Variants in MKI67 observed in about 807,000 individuals in gnomAD.
MKI67 encodes marker of proliferation Ki-67.
A neutral mutation model predicts 233.5 loss-of-function variants in MKI67; 152 were observed. The observed-to-expected ratio is 0.65, with a 90% CI of 0.57 to 0.74. The LOEUF (loss-of-function observed/expected upper bound fraction) is 0.74, where lower values mean the gene tolerates loss of function less well. Among genes scored for constraint, MKI67 ranks in the 30% least tolerant of loss-of-function variants. The probability of loss-of-function intolerance (pLI) is 0.00; values close to 1 mark genes in which losing one functional copy is unlikely to be tolerated. For missense variants in MKI67, 3,940 were observed against 3,885.2 expected (o/e 1.01, Z -0.37); for synonymous variants, 1,465 against 1,418.5 (o/e 1.03, Z -0.74).
Position 128,125,892 on chromosome 10 carries a change from C to T in MKI67, c.-89-136G>A. 1 of 553,724 alleles carries T rather than the reference C, an allele frequency of 1.8e-6. No homozygotes were observed. Among genetic ancestry groups the T allele is most frequent in the Admixed American group, 3.2e-5 (1 of 31,132 alleles). The allele number at this position is 553,724 out of a possible 1,614,324, so 34.3% of individuals were successfully genotyped here. A position where few individuals can be genotyped will look rare whatever the true frequency, so the allele number is the denominator to read the frequency against. On this transcript the variant is annotated intron_variant, in intron 1 of 14. Coordinates refer to ENST00000368654, the MANE Select transcript of MKI67 (RefSeq NM_002417.5). The surrounding 1 kb of genome is among the most constrained non-coding windows in gnomAD (Gnocchi z 5.3). ...CCCCAGGACGATCCGACCGCAGCCC[C>T]CGGCGCCCCAAAGTCCGGCAGCTGG...
Position 128,106,981 on chromosome 10 carries a change from G to C in MKI67, c.4859C>G (p.Pro1620Arg), listed in dbSNP as rs750327979. 1.2e-6 allele frequency: 2 copies of C among 1,614,074 alleles called. No individual in the cohort carries two copies. The highest frequency in any genetic ancestry group is 3.3e-5 in the Admixed American group (2 of 60,016). ...TAKVACKSSQ[P>R]DPDKNPASSK... The stretch of plus-strand genomic sequence containing the variant: ...GCTTGCTGGGTTTTTGTCTGGGTCT[G>C]GTTGTGAAGATTTGCAGGCTACTTT... The change falls in exon 13 of 15, where the codon CCA (proline) becomes CGA (arginine). Residue 1620 changes from proline (P) to arginine (R), a missense_variant. Coordinates refer to ENST00000368654, the MANE Select transcript of MKI67 (RefSeq NM_002417.5).
At chr10:128,123,361 CTA>C (rs1258306110) in intron 2 of MKI67, among the ~76,000 whole-genome samples, 192 bp from the exon 3 acceptor site, 1 of 152,126 alleles carries the variant, frequency 6.6e-6, no homozygotes, top group African/African-American at 2.4e-5. Context: ...AAACATGTAA[CTA>C]TTAGATCTTT....
chr10:128,103,945 G>T lies in MKI67; in HGVS notation c.7895C>A (p.Thr2632Lys). The T allele has an allele frequency of 6.2e-7, 1 of 1,614,100 alleles. No homozygotes were observed. Among genetic ancestry groups the T allele is most frequent in the Non-Finnish European group, 8.5e-7 (1 of 1,180,022 alleles). Residue 2632 changes from threonine to lysine, a missense_variant, in exon 13 of 15, where the codon ACA becomes AAA. Thr to Lys is a moderately conservative substitution (Grantham distance 78). Transcript: ENST00000368654. ...ATCACCGCTTGCTGGTTCTTTGTGT[G>T]TGTGTGTGCTTTGCCCTGATGTTTG... Reference protein sequence around the residue: ...LTQTSGQSTHTHKEPASGDEG... With the variant: ...LTQTSGQSTHKHKEPASGDEG...
Position 128,115,066 on chromosome 10 carries a change from A to C in MKI67, c.1342T>G (p.Trp448Gly). The C allele has an allele frequency of 6.2e-7, 1 of 1,613,642 alleles. No homozygotes were observed. ...ATCTTCCTCTCAACTTGAGTGAGCC[A>C]CAGAGTTAAAAATGGCTCATTGTGA... ...EIHNEPFLTLWLTQVERKIQK... is the reference protein window; with the variant it reads ...EIHNEPFLTLGLTQVERKIQK... The change falls in exon 7 of 15, where the codon TGG (tryptophan) becomes GGG (glycine). Residue 448 changes from tryptophan to glycine, a missense_variant. Transcript: ENST00000368654.
At chr10:128,123,471 T>TA (rs1256528449) in intron 2 of MKI67, among the ~76,000 whole-genome samples, 2 of 152,238 alleles carry the variant, frequency 1.3e-5, no homozygotes, top group African/African-American at 4.8e-5. Flanking sequence ...AAGGAATACT[T>TA]ACATCAATTT....
In MKI67 at chr10:128,104,164, A is replaced by G; in HGVS notation, c.7676T>C (p.Leu2559Pro). 6.2e-7 allele frequency: 1 copy of G among 1,614,130 alleles called. No individual in the cohort carries two copies. Among genetic ancestry groups the G allele is most frequent in the Non-Finnish European group, 8.5e-7 (1 of 1,180,018 alleles). The change falls in exon 13 of 15, where the codon CTG becomes CCG. Residue 2559 changes from leucine (L) to proline (P), a missense_variant. Physicochemically the swap from Leu to Pro is moderately conservative, Grantham distance 98. Transcript: ENST00000368654. ...TGAGAAGAGCTCTTTGAAGTCAACC[A>G]GGTCTTCTAGAGCACGGGCCTTTTC... ...RKEKARALED[L>P]VDFKELFSAP...
At chr10:128,100,530 T>C (rs1852315406) in intron 14 of MKI67, among the ~76,000 whole-genome samples, 1 of 152,216 alleles carries the variant, frequency 6.6e-6, no homozygotes, top group East Asian at 1.9e-4. Context: ...GTGCTAAGAA[T>C]TAAATTTATA....
rs2853346 is a variant in MKI67 at position 128,106,296 on chromosome 10, C to G, written c.5544G>C (p.Thr1848=). ...TTTTTTTGGTAGTTTTCTCATCAGT[C>G]GTGGGGTTATCAGTGCATGGTGTCT... is the stretch of plus-strand genomic sequence containing the variant. The part of the protein sequence containing the change: ...LFQTPCTDNP[T]TDEKTTKKIL... The change falls in exon 13 of 15, where the codon ACG becomes ACC. Residue 1848 remains threonine (T), a synonymous_variant. Coordinates refer to ENST00000368654, the MANE Select transcript of MKI67 (RefSeq NM_002417.5). The G allele has an allele frequency of 1.2e-6, 2 of 1,612,642 alleles. No homozygotes were observed. Among genetic ancestry groups the G allele is most frequent in the African/African-American group, 2.7e-5 (2 of 74,438 alleles).
chr10:128,111,296 C>T (rs1298674299), intron 11 of MKI67, among the ~76,000 whole-genome samples: 1 of 152,232 alleles, frequency 6.6e-6, no homozygotes, highest in Non-Finnish European at 1.5e-5. Flanking sequence ...AACTGGCCCA[C>T]ACCTGGGATA....
rs755905058 is a variant in MKI67 at position 128,115,242 on chromosome 10, G to C, written c.1166C>G (p.Thr389Ser). The change falls in exon 7 of 15, where the codon ACT becomes AGT. Residue 389 changes from threonine (T) to serine (S), a missense_variant. Thr to Ser is a moderately conservative substitution (Grantham distance 58). Transcript: ENST00000368654. ...AGTTGAAAGCTTCCTGGGAGTAAGA[G>C]TTTTATCACCAGCCTTGAAGCCTTC... ...KSEGFKAGDK[T>S]LTPRKLSTRN... The C allele has an allele frequency of 6.2e-7, 1 of 1,614,236 alleles. No individual in the cohort carries two copies. Among genetic ancestry groups the C allele is most frequent in the Non-Finnish European group, 8.5e-7 (1 of 1,180,044 alleles).
chr10:128,105,755 G>A lies in MKI67; in HGVS notation c.6085C>T (p.His2029Tyr), dbSNP rs1241155270. 3 of 1,613,898 alleles carry A rather than the reference G, an allele frequency of 1.9e-6. No homozygotes were observed. Among genetic ancestry groups the A allele is most frequent in the South Asian group, 1.1e-5 (1 of 91,072 alleles). ...TQTSGKTTQT[H>Y]RETAGDGKSI... ...TTTCCATCTCCTGCTGTCTCTCTGT[G>A]TGTCTGTGTGGTCTTCCCTGACGTC... is the stretch of plus-strand genomic sequence containing the variant. The change falls in exon 13 of 15, where the codon CAC (histidine) becomes TAC (tyrosine). Residue 2029 changes from histidine to tyrosine, a missense_variant. By Grantham distance (83) the His-to-Tyr change is moderately conservative (BLOSUM62 2). Transcript: ENST00000368654.
Position 128,106,302 on chromosome 10 carries a change from G to A in MKI67, c.5538C>T (p.Asn1846=), listed in dbSNP as rs750584374. The A allele has an allele frequency of 5.6e-6, 9 of 1,613,156 alleles. No individual in the cohort carries two copies. The Admixed American group carries it at 1.5e-4, about 27-fold the overall frequency. The change falls in exon 13 of 15, where the codon AAC becomes AAT. Residue 1846 remains asparagine (N), a synonymous_variant. Coordinates refer to ENST00000368654, the MANE Select transcript of MKI67 (RefSeq NM_002417.5). ...RELFQTPCTD[N]PTTDEKTTKK... ...TGGTAGTTTTCTCATCAGTCGTGGG[G>A]TTATCAGTGCATGGTGTCTGGAAAA...
chr10:128,104,535 C>G lies in MKI67; in HGVS notation c.7305G>C (p.Glu2435Asp). Residue 2435 changes from glutamate (E) to aspartate (D), a missense_variant, in exon 13 of 15, where the codon GAG (glutamate) becomes GAC (aspartate). Physicochemically the swap from Glu to Asp is conservative, Grantham distance 45. Transcript: ENST00000368654. ...AGAGTTCTTTGAAGCCAACCAGGTC[C>G]TCTAGAGCCTCAGCCTTTTCCTTAG... ...QTPKEKAEAL[E>D]DLVGFKELFQ... The G allele has an allele frequency of 6.2e-7, 1 of 1,613,584 alleles. No individual in the cohort carries two copies. Among genetic ancestry groups the G allele is most frequent in the Non-Finnish European group, 8.5e-7 (1 of 1,179,898 alleles).
In MKI67 at chr10:128,112,184, G is replaced by A; in HGVS notation, c.1918C>T (p.Gln640Ter). 1.2e-6 allele frequency: 2 copies of A among 1,614,230 alleles called. No individual in the cohort carries two copies. Among genetic ancestry groups the A allele is most frequent in the Non-Finnish European group, 1.7e-6 (2 of 1,180,048 alleles). ...SISRSQHDIL[Q>*]MICSKRRSGA... ...CTTCTTCTTTTGGAACATATCATCT[G>A]TAAAATATCATGTTGACTTCGGCTG... is the stretch of plus-strand genomic sequence containing the variant. The change falls in exon 9 of 15, where the codon CAG becomes TAG. Residue 640 changes from glutamine (Q) to a stop codon, truncating the protein, a stop_gained. Coordinates refer to ENST00000368654, the MANE Select transcript of MKI67 (RefSeq NM_002417.5). LOFTEE classifies it high-confidence loss of function.
chr10:128,120,602 A>T (rs1852915233), intron 4 of MKI67, among the ~76,000 whole-genome samples: 1 of 152,196 alleles, frequency 6.6e-6, no homozygotes, highest in Admixed American at 6.5e-5. Flanking sequence ...AACTTCCCAG[A>T]AGCACAGTAA....
chr10:128,108,313 G>A lies in MKI67; in HGVS notation c.3527C>T (p.Thr1176Met), dbSNP rs117795868. The A allele has an allele frequency of 1.6e-4, 264 of 1,614,072 alleles. No individual in the cohort carries two copies. In the Middle Eastern group the frequency reaches 3.3e-3, roughly 20 times the overall value. The change falls in exon 13 of 15, where the codon ACG becomes ATG. Residue 1176 changes from threonine (T) to methionine (M), a missense_variant. Coordinates refer to ENST00000368654, the MANE Select transcript of MKI67 (RefSeq NM_002417.5). ...LTPSAGKAMLTPKPAGGDEKD... is the reference protein window; with the variant it reads ...LTPSAGKAMLMPKPAGGDEKD... ...CTCATCACCTCCTGCTGGTTTGGGC[G>A]TAAGCATGGCTTTCCCTGCTGATGG...
intron 6 of MKI67, among the ~76,000 whole-genome samples, 170 bp downstream of exon 6, chr10:128,116,320 AC>A (rs1852806992): frequency 6.6e-6 from 1 of 152,236 alleles, no homozygotes; most frequent in Non-Finnish European, 1.5e-5. Context: ...ACCATCAGTC[AC>A]CAAGGGAAAG....
At position 128,122,891 on chromosome 10, in the gene MKI67, G is replaced by C; in HGVS notation, c.277C>G (p.Arg93Gly). 1 of 1,547,954 alleles carries C rather than the reference G, an allele frequency of 6.5e-7. No individual in the cohort carries two copies. The highest frequency in any genetic ancestry group is 8.8e-7 in the Non-Finnish European group (1 of 1,133,000). Residue 93 changes from arginine to glycine, a missense_variant, in exon 4 of 15, where the codon CGT becomes GGT. By Grantham distance (125) the Arg-to-Gly change is moderately radical. Coordinates refer to ENST00000368654, the MANE Select transcript of MKI67 (RefSeq NM_002417.5). ...TCAGCTTTTACCTACCTGAAGGAAC[G>C]ATCAATAATAGTTATTACATCTCCA... is the stretch of plus-strand genomic sequence containing the variant. The part of the protein sequence containing the change: ...KHGDVITIID[R>G]SFRYENESLQ...
intron 12 of MKI67, 74 bp downstream of exon 12, chr10:128,110,304 T>A: frequency 8.2e-7 from 1 of 1,216,038 alleles, no homozygotes; most frequent in Non-Finnish European, 1.1e-6. Flanking sequence ...AGTAATATCA[T>A]ACTGCTTGTA....
Sources: gnomAD v4.1 joint callset for allele counts (sites outside exome capture counted in the v4.1 genomes callset) on GRCh38, gnomAD v4.1.1 for gene constraint, Gnocchi (gnomAD v3.1) non-coding constraint, MANE v1.5 for transcripts, NCBI Gene and HGNC (gene_info 2026-07-23, HGNC 2026-07-21) for gene names.